Variants in IL16 observed in about 807,000 individuals in gnomAD.
The protein encoded by IL16 is interleukin 16, also known as pro-interleukin-16.
IL16 carries 67 observed loss-of-function variants against 110.1 expected under a neutral mutation model. That is an observed-to-expected ratio of 0.61 (90% confidence interval 0.50 to 0.75). The LOEUF (loss-of-function observed/expected upper bound fraction) is 0.75. Among genes scored for constraint, IL16 ranks in the 30% least tolerant of loss-of-function variants. IL16 has a pLI of 0.00. For synonymous variants in IL16, 689 were observed against 662.9 expected (o/e 1.04, Z -0.61); for missense variants, 1,545 against 1,655.0 (o/e 0.93, Z 1.15).
rs201457933 is a variant in IL16, at chr15:81,300,079, G to C, written c.2753G>C (p.Gly918Ala). 509 of 1,574,580 alleles carry C rather than the reference G, an allele frequency of 3.2e-4. 11 individuals are homozygous for C. In the East Asian group the frequency reaches 9.1e-3, roughly 28 times the overall value. Residue 918 changes from glycine to alanine, a missense_variant, in exon 14 of 19, where the codon GGT becomes GCT. By Grantham distance (60) the Gly-to-Ala change is moderately conservative (BLOSUM62 0). Transcript: ENST00000683961. ...SPAASEARDP[G>A]VSESPPPGRQ... is the part of the protein sequence containing the mutation. The stretch of plus-strand genomic sequence containing the variant: ...GCAGCCTCCGAGGCCAGAGACCCAG[G>C]TGTGTCTGAGTCCCCTCCCCCAGGG...
At chr15:81,262,498 C>G (rs925586016) in intron 3 of IL16, among the ~76,000 whole-genome samples, 4 of 148,258 alleles carry the variant, frequency 2.7e-5, no homozygotes, top group African/African-American at 5.0e-5. Context: ...TTTTTTTTTT[C>G]TAAATGAATA....
At chr15:81,286,182 C>T (rs1899442602) in intron 10 of IL16, among the ~76,000 whole-genome samples, 1 of 152,196 alleles carries the variant, frequency 6.6e-6, no homozygotes, top group Admixed American at 6.5e-5. Context: ...ACTGAAGATA[C>T]AGAGGCAAGT....
chr15:81,201,284 C>T (rs1267469106), intron 1 of IL16, among the ~76,000 whole-genome samples: 3 of 151,890 alleles, frequency 2.0e-5, no homozygotes, highest in South Asian at 4.1e-4. Context: ...CACACATGCA[C>T]GCACACACCC....
chr15:81,182,952 G>T lies in IL16; in HGVS notation c.40+56G>T, dbSNP rs574640452. On this transcript the variant is annotated intron_variant, in intron 1 of 18. Coordinates refer to the IL16 transcript ENST00000302987. ...GACTCAGGGGAGGTTGGAATGGAGG[G>T]GTGGACCCTTCCTGACATCCTCCCA... is the stretch of plus-strand genomic sequence containing the variant. 56 of 1,135,122 alleles carry T rather than the reference G, an allele frequency of 4.9e-5. No homozygotes were observed. In the South Asian group the frequency reaches 6.7e-4, roughly 14 times the overall value. The allele number at this position is 1,135,122 out of a possible 1,614,324, so 70.3% of individuals were successfully genotyped here.
chr15:81,233,362 T>C (rs1251828744), intron 2 of IL16, among the ~76,000 whole-genome samples: 2 of 152,020 alleles, frequency 1.3e-5, no homozygotes, highest in Non-Finnish European at 2.9e-5. Flanking sequence ...CTTACATTGA[T>C]GTGCGTGTGT....
chr15:81,210,311 G>C (rs1032281415), intron 1 of IL16, among the ~76,000 whole-genome samples: 1 of 152,070 alleles, frequency 6.6e-6, no homozygotes, highest in African/African-American at 2.4e-5. Context: ...ATGTTCTTCT[G>C]TTCTTTTTGC....
intron 2 of IL16, among the ~76,000 whole-genome samples, chr15:81,256,496 C>T (rs1897952378): frequency 6.6e-6 from 1 of 151,860 alleles, no homozygotes; most frequent in African/African-American, 2.4e-5. Context: ...AACATGCCGG[C>T]TAGTTTTTTT....
Position 81,300,231 on chromosome 15 carries a change from C to A in IL16, c.2905C>A (p.Leu969Met). Reference protein sequence around the residue: ...MPSQRARSFPLTRSQSCETKL... With the variant: ...MPSQRARSFPMTRSQSCETKL... ...TAGCCAGCGAGCACGGAGCTTCCCC[C>A]TGACCAGGTCCCAGTCCTGTGAGAC... Residue 969 changes from leucine to methionine, a missense_variant, in exon 14 of 19, where the codon CTG becomes ATG. This residue lies in a region of IL16 where 1,185 missense variants were observed against 1,238.8 expected (regional missense o/e 0.96). Transcript: ENST00000683961. The A allele has an allele frequency of 1.2e-6, 2 of 1,614,244 alleles. No homozygotes were observed. Among genetic ancestry groups the A allele is most frequent in the Non-Finnish European group, 1.7e-6 (2 of 1,180,050 alleles).
At chr15:81,182,872 A>G in exon 1 of IL16, 1 of 1,289,440 alleles carries the variant, frequency 7.8e-7, no homozygotes. Context: ...TTTGCAGAAG[A>G]GAGTCTTCCC....
chr15:81,247,121 G>A lies in IL16; in HGVS notation c.313-12651G>A, dbSNP rs146524674. Reference sequence around the variant, plus strand: ...TGATCTTGAGTGACCTTGCTGGAGCGTCATCAGTATTTTAAAATCTTTTCA... The same window carrying A: ...TGATCTTGAGTGACCTTGCTGGAGCATCATCAGTATTTTAAAATCTTTTCA... On this transcript the variant is annotated intron_variant, in intron 2 of 18. Coordinates refer to ENST00000683961, the MANE Select transcript of IL16 (RefSeq NM_172217.5). 6.5e-3 allele frequency among the ~76,000 whole-genome samples: 857 copies of A among 131,528 alleles called. 15 individuals are homozygous for A. Among genetic ancestry groups the A allele is most frequent in the African/African-American group, 0.023 (789 of 34,274 alleles). 86.3% of individuals were successfully genotyped at this position (131,528 alleles called of 152,430 possible).
At chr15:81,200,673 G>C (rs188293376) in intron 1 of IL16, among the ~76,000 whole-genome samples, 2 of 152,216 alleles carry the variant, frequency 1.3e-5, no homozygotes, top group East Asian at 3.9e-4. Context: ...GCCTAGCCTA[G>C]GTCAAGATTT....
intron 1 of IL16, among the ~76,000 whole-genome samples, chr15:81,187,976 G>A (rs1895442178): frequency 2.0e-5 from 3 of 152,170 alleles, no homozygotes; most frequent in Admixed American, 2.0e-4. Context: ...AAACAGGCCA[G>A]GGAAGAGGAG....
intron 2 of IL16, among the ~76,000 whole-genome samples, chr15:81,252,877 G>A (rs1321009480): frequency 6.6e-6 from 1 of 152,030 alleles, no homozygotes; most frequent in East Asian, 1.9e-4. Context: ...CCATTTATCA[G>A]GTAATGGACA....
In IL16 at chr15:81,223,211, G is replaced by A. The variant is rs540426956; in HGVS notation, c.-101-2088G>A. Among the ~76,000 whole-genome samples, 34 of 152,250 alleles carry A rather than the reference G, an allele frequency of 2.2e-4. 1 individual carries two copies. The South Asian group carries it at 6.8e-3, about 31-fold the overall frequency. On this transcript the variant is annotated intron_variant, in intron 1 of 18. Transcript: ENST00000683961. The stretch of plus-strand genomic sequence containing the variant: ...GATACAACAGTTTCAGTGGCTGTAG[G>A]GAAAGGAAGCTGACTCTGTGGGCTG...
chr15:81,285,877 G>T, intron 10 of IL16, 47 bp downstream of exon 10: 1 of 1,597,200 alleles, frequency 6.3e-7, no homozygotes, highest in Non-Finnish European at 8.6e-7. Flanking sequence ...CACTCGTTCA[G>T]TACCAAAATT....
chr15:81,231,389 T>TCTCCC (rs1896982028), intron 2 of IL16, among the ~76,000 whole-genome samples: 1 of 144,534 alleles, frequency 6.9e-6, no homozygotes, highest in Non-Finnish European at 1.5e-5. Context: ...TCTCCCTCTC[T>TCTCCC]TAAGACAGGG....
intron 2 of IL16, among the ~76,000 whole-genome samples, chr15:81,235,798 A>G (rs1432874913): frequency 6.6e-6 from 1 of 152,194 alleles, no homozygotes; most frequent in East Asian, 1.9e-4. Context: ...AAAAGGGTAT[A>G]ATGAGACCAC....
At chr15:81,251,386 G>T (rs780813864) in intron 2 of IL16, among the ~76,000 whole-genome samples, 2 of 152,068 alleles carry the variant, frequency 1.3e-5, no homozygotes, top group Non-Finnish European at 2.9e-5. Flanking sequence ...GACTGGTCTT[G>T]AACTCCTGGC....
chr15:81,205,516 A>T (rs1297783850), intron 1 of IL16, among the ~76,000 whole-genome samples: 4 of 152,156 alleles, frequency 2.6e-5, no homozygotes, highest in Non-Finnish European at 4.4e-5. Flanking sequence ...TATCAAATAA[A>T]ATGAATGAAA....
Sources: gnomAD v4.1 joint callset for allele counts (sites outside exome capture counted in the v4.1 genomes callset) on GRCh38, gnomAD v4.1.1 for gene constraint, gnomAD v4.1.1 regional missense constraint, MANE v1.5 for transcripts, NCBI Gene and HGNC (gene_info 2026-07-23, HGNC 2026-07-21) for gene names.